DISC1: variants seen among roughly 807,000 people sequenced by gnomAD.
DISC1 encodes DISC1 scaffold protein.
DISC1 carries 57 observed loss-of-function variants against 84.5 expected under a neutral mutation model. The ratio of observed to expected loss-of-function variants is 0.67; its 90% confidence interval spans 0.55 to 0.84. The LOEUF is 0.84. Ranked by LOEUF, DISC1 falls within the 40% of genes least tolerant of loss-of-function variation. The pLI is 0.00. For missense variants in DISC1, 1,000 were observed against 1,057.8 expected (o/e 0.95, Z 0.76); for synonymous variants, 411 against 415.2 (o/e 0.99, Z 0.12).
intron 1 of DISC1, 37 bp from the exon 2 acceptor site, chr1:231,693,789 T>C: frequency 6.2e-7 from 1 of 1,611,820 alleles, no homozygotes; most frequent in Non-Finnish European, 8.5e-7. Context: ...CAGTAAGATC[T>C]GCATGTTTAT....
At chr1:231,740,844 A>G (rs549631491) in intron 3 of DISC1, among the ~76,000 whole-genome samples, 154 of 152,338 alleles carry the variant, frequency 1.0e-3, no homozygotes, top group African/African-American at 3.6e-3. Context: ...CATTTTGACT[A>G]TGACCCGTCA....
chr1:232,034,048 A>G (rs1356728993), intron 12 of DISC1, among the ~76,000 whole-genome samples: 1 of 152,142 alleles, frequency 6.6e-6, no homozygotes, highest in Non-Finnish European at 1.5e-5. Flanking sequence ...CAGTACATCC[A>G]AAATGCTTTG....
At position 231,751,996 on chromosome 1, in the gene DISC1, A is replaced by G. The variant is rs115415237; in HGVS notation, c.1268+1920A>G. 6.5e-3 allele frequency among the ~76,000 whole-genome samples: 993 copies of G among 152,314 alleles called. 10 individuals carry two copies. Among genetic ancestry groups the G allele is most frequent in the African/African-American group, 0.023 (939 of 41,568 alleles). ...TTTTAGGATGAGGAAACCAGGCCCA[A>G]TAGAAGCTAAGAAACTTAGGCAGAT... On this transcript the variant is annotated intron_variant, in intron 4 of 12. Coordinates refer to ENST00000439617, the MANE Select transcript of DISC1 (RefSeq NM_018662.3).
intron 10 of DISC1, among the ~76,000 whole-genome samples, chr1:231,978,104 GTAGT>G (rs1663073703): frequency 6.6e-6 from 1 of 151,940 alleles, no homozygotes; most frequent in South Asian, 2.1e-4. Context: ...CCATAAACTG[GTAGT>G]TAGGTCTTGA....
intron 9 of DISC1, among the ~76,000 whole-genome samples, chr1:231,911,589 C>G: frequency 6.6e-6 from 1 of 152,196 alleles, no homozygotes; most frequent in South Asian, 2.1e-4. Flanking sequence ...TGACCTTTCT[C>G]TCTGGCTGCT....
rs542315496 is a variant in DISC1 at position 231,661,676 on chromosome 1, A to G, written c.68-32150A>G. 1.1e-4 allele frequency among the ~76,000 whole-genome samples: 16 copies of G among 152,268 alleles called. 1 individual carries two copies. In the South Asian group the frequency reaches 2.9e-3, roughly 28 times the overall value. ...TTATCATGATTCTTAGCTTCTTTGC[A>G]TTGGGTTACAACATGCTCCTTTTAC... On this transcript the variant is annotated intron_variant, in intron 1 of 12. Transcript: ENST00000439617.
chr1:231,693,847 C>T lies in DISC1; in HGVS notation c.89C>T (p.Pro30Leu). The change falls in exon 2 of 13, where the codon CCT (proline) becomes CTT (leucine). Residue 30 changes from proline to leucine, a missense_variant. Physicochemically the swap from Pro to Leu is moderately conservative, Grantham distance 98. This residue lies in a region of DISC1 where 292 missense variants were observed against 280.2 expected (regional missense o/e 1.04). Transcript: ENST00000439617. Reference protein sequence around the residue: ...HRAGSRDCLPPAACFRRRRLA... With the variant: ...HRAGSRDCLPLAACFRRRRLA... ...CCAGGCAGCCGGGATTGCTTACCACCTGCAGCGTGCTTTCGGAGGCGGCGG... is the reference window on the plus strand; with the variant it reads ...CCAGGCAGCCGGGATTGCTTACCACTTGCAGCGTGCTTTCGGAGGCGGCGG... The T allele has an allele frequency of 1.2e-6, 2 of 1,613,890 alleles. No homozygotes were observed. Among genetic ancestry groups the T allele is most frequent in the Non-Finnish European group, 1.7e-6 (2 of 1,180,024 alleles).
intron 9 of DISC1, among the ~76,000 whole-genome samples, chr1:231,857,595 T>A (rs1574287887): frequency 6.6e-6 from 1 of 152,218 alleles, no homozygotes; most frequent in Non-Finnish European, 1.5e-5. Flanking sequence ...TTTGTGATGC[T>A]GGGATTTTAT....
At chr1:232,028,470 G>T (rs548210417) in intron 12 of DISC1, among the ~76,000 whole-genome samples, 1 of 152,194 alleles carries the variant, frequency 6.6e-6, no homozygotes, top group East Asian at 1.9e-4. Flanking sequence ...AAAAACAAGG[G>T]GTTAAGCAGT....
chr1:231,726,449 A>G lies in DISC1; in HGVS notation c.1118-23477A>G, dbSNP rs111834348. ...CAAGGTCACCTGGCCTCCACCAAGG[A>G]GGGAGAGAGGAAGCACTGAGTTACA... On this transcript the variant is annotated intron_variant, in intron 3 of 12. Transcript: ENST00000439617. Among the ~76,000 whole-genome samples, 361 of 152,210 alleles carry G rather than the reference A, an allele frequency of 2.4e-3. 2 individuals are homozygous for G. Among genetic ancestry groups the G allele is most frequent in the Non-Finnish European group, 4.2e-3 (284 of 68,008 alleles).
intron 10 of DISC1, among the ~76,000 whole-genome samples, chr1:232,002,676 G>A (rs1478223133): frequency 6.6e-6 from 1 of 151,040 alleles, no homozygotes; most frequent in African/African-American, 2.4e-5. Flanking sequence ...TTATGATTCT[G>A]TTTATACAAC....
chr1:231,746,693 G>T (rs1476401407), intron 3 of DISC1, among the ~76,000 whole-genome samples: 3 of 152,014 alleles, frequency 2.0e-5, no homozygotes, highest in Admixed American at 2.0e-4. Flanking sequence ...ATTTTGATTT[G>T]CATATACCTG....
intron 9 of DISC1, among the ~76,000 whole-genome samples, chr1:231,841,751 A>G (rs538248147): frequency 6.6e-4 from 100 of 152,312 alleles, no homozygotes; most frequent in African/African-American, 2.2e-3. Context: ...AAAATCACTC[A>G]GGTTGTAACC....
chr1:231,921,240 A>G (rs913204504), intron 9 of DISC1, among the ~76,000 whole-genome samples: 1 of 152,110 alleles, frequency 6.6e-6, no homozygotes, highest in Admixed American at 6.5e-5. Context: ...TTGCTTGGGC[A>G]CTGGCTCAGG....
intron 3 of DISC1, among the ~76,000 whole-genome samples, chr1:231,702,978 T>C (rs944168937): frequency 6.6e-6 from 1 of 152,222 alleles, no homozygotes; most frequent in South Asian, 2.1e-4. Context: ...AGGATTCTTC[T>C]GGAAGCTGGT....
Position 232,038,938 on chromosome 1 carries a change from A to G in DISC1, c.*2107A>G, listed in dbSNP as rs1049591396. ...CTGTGCAGCACTTCTGTCCTCAGTC[A>G]AGGAGATGGCCATGCTTAAGCCAGC... is the stretch of plus-strand genomic sequence containing the variant. On this transcript the variant is annotated 3_prime_UTR_variant, in exon 13 of 13. Transcript: ENST00000439617. The G allele has an allele frequency of 6.6e-6, 1 of 152,200 alleles. No homozygotes were observed. Among genetic ancestry groups the G allele is most frequent in the Non-Finnish European group, 1.5e-5 (1 of 68,030 alleles). The allele number at this position is 152,200 out of a possible 1,614,324, so 9.4% of individuals were successfully genotyped here. A position where few individuals can be genotyped will look rare whatever the true frequency, so the allele number is the denominator to read the frequency against.
chr1:231,670,442 G>T (rs199928496), intron 1 of DISC1, among the ~76,000 whole-genome samples: 6 of 152,226 alleles, frequency 3.9e-5, no homozygotes, highest in Admixed American at 6.5e-5. Flanking sequence ...TGAAAAGTCT[G>T]TGAGAGTGCC....
At chr1:231,683,594 ACACCCCCTCTGTGAC>A (rs1470940298) in intron 1 of DISC1, among the ~76,000 whole-genome samples, 4 of 148,470 alleles carry the variant, frequency 2.7e-5, no homozygotes, top group African/African-American at 1.0e-4. Flanking sequence ...CCTTCTGTGA[ACACCCCCTCTGTGAC>A]CAACCCCTCC....
intron 4 of DISC1, among the ~76,000 whole-genome samples, chr1:231,755,701 A>G (rs868648336): frequency 2.0e-5 from 3 of 152,010 alleles, no homozygotes; most frequent in African/African-American, 7.3e-5. Flanking sequence ...TTTCACTGCC[A>G]TTTACCCAGT....
Sources: allele counts gnomAD v4.1 joint callset (sites outside exome capture counted in the v4.1 genomes callset), GRCh38; gene constraint gnomAD v4.1.1; regional missense constraint gnomAD v4.1.1; transcripts MANE v1.5; gene names NCBI Gene and HGNC (gene_info 2026-07-23, HGNC 2026-07-21).